The following KALRN variants were observed in gnomAD, a reference collection of about 807,000 sequenced individuals.
KALRN encodes kalirin.
In KALRN, 70 loss-of-function variants were observed where a neutral mutation model predicts 353.7. The ratio of observed to expected loss-of-function variants is 0.20; its 90% CI spans 0.16 to 0.24. The LOEUF is 0.24. KALRN is among the 10% of genes least tolerant of loss of function. The pLI is 1.00. For synonymous variants in KALRN, 1,391 were observed against 1,434.8 expected (o/e 0.97, Z 0.69); for missense variants, 2,791 against 3,756.7 (o/e 0.74, Z 6.72).
At chr3:124,036,528 T>C (rs898842168) in intron 1 of KALRN, among the ~76,000 whole-genome samples, 1 of 152,036 alleles carries the variant, frequency 6.6e-6, no homozygotes, top group Non-Finnish European at 1.5e-5. Flanking sequence ...AATGAACATA[T>C]GCATATGCGT....
intron 25 of KALRN, among the ~76,000 whole-genome samples, chr3:124,464,907 G>T (rs1392314889): frequency 6.7e-6 from 1 of 149,244 alleles, no homozygotes; most frequent in Non-Finnish European, 1.5e-5. Context: ...ACTCAGTATT[G>T]GTGCAAACCA....
intron 1 of KALRN, among the ~76,000 whole-genome samples, chr3:124,158,570 C>T (rs2069375318): frequency 6.6e-6 from 1 of 152,154 alleles, no homozygotes; most frequent in South Asian, 2.1e-4. Context: ...GATTTTTATG[C>T]AAAGGGATCT....
chr3:124,406,273 A>G (rs932419728), intron 13 of KALRN, among the ~76,000 whole-genome samples: 4 of 152,240 alleles, frequency 2.6e-5, no homozygotes, highest in Non-Finnish European at 4.4e-5. Context: ...ATAACTTTAA[A>G]ATAATCTGCT....
Position 124,330,008 on chromosome 3 carries a change from G to A in KALRN, c.1416+16G>A, listed in dbSNP as rs1242101433. On this transcript the variant is annotated intron_variant, in intron 8 of 59. Coordinates refer to ENST00000682506, the MANE Select transcript of KALRN (RefSeq NM_001388419.1). Reference sequence around the variant, plus strand: ...CTACACAGAGGTGAGAATGGAGCAGGGCAACCATGGTTCTTGGGCATGTCT... The same window carrying A: ...CTACACAGAGGTGAGAATGGAGCAGAGCAACCATGGTTCTTGGGCATGTCT... The A allele has an allele frequency of 3.1e-6, 5 of 1,612,066 alleles. No homozygotes were observed. In the South Asian group the frequency reaches 3.3e-5, roughly 11 times the overall value.
At chr3:124,707,376 T>A (rs1463746401) in intron 57 of KALRN, among the ~76,000 whole-genome samples, 1 of 151,798 alleles carries the variant, frequency 6.6e-6, no homozygotes, top group African/African-American at 2.4e-5. Flanking sequence ...GAATGGCTAA[T>A]GACAAGGAGA....
Position 124,671,679 on chromosome 3 carries a change from G to T in KALRN, c.6723G>T (p.Glu2241Asp). 6.2e-7 allele frequency: 1 copy of T among 1,612,674 alleles called. No homozygotes were observed. Among genetic ancestry groups the T allele is most frequent in the Non-Finnish European group, 8.5e-7 (1 of 1,178,672 alleles). The change falls in exon 48 of 60, where the codon GAG (glutamate) becomes GAT (aspartate). Residue 2241 changes from glutamate (E) to aspartate (D), a missense_variant. Transcript: ENST00000682506. The part of the protein sequence containing the change: ...DFLNALQSPI[E>D]YQRKERSTAV... ...CCACAGCACTGCAATCGCCCATTGA[G>T]TATCAACGGAAAGAAAGGAGCACAG...
At chr3:124,137,623 G>C (rs948924768) in intron 1 of KALRN, among the ~76,000 whole-genome samples, 8 of 152,162 alleles carry the variant, frequency 5.3e-5, no homozygotes, top group Non-Finnish European at 1.2e-4. Context: ...TAGCAGGGCT[G>C]CTGGAACTGA....
At chr3:124,633,330 A>G (rs1397918345) in intron 35 of KALRN, among the ~76,000 whole-genome samples, 4 of 152,206 alleles carry the variant, frequency 2.6e-5, no homozygotes, top group African/African-American at 9.7e-5. Context: ...TTCTGTAACC[A>G]AAAGACAGTG....
At chr3:124,500,125 C>T (rs2064339726) in intron 33 of KALRN, among the ~76,000 whole-genome samples, 1 of 152,172 alleles carries the variant, frequency 6.6e-6, no homozygotes, top group East Asian at 1.9e-4. Context: ...CCATGTTTAG[C>T]ATATGTGTCC....
intron 4 of KALRN, among the ~76,000 whole-genome samples, chr3:124,268,348 G>A (rs950869386): frequency 4.6e-5 from 7 of 152,114 alleles, no homozygotes; most frequent in Admixed American, 1.3e-4. Context: ...CTGGGTCCAC[G>A]GGCCTTGGTT....
Position 124,241,014 on chromosome 3 carries a change from G to A in KALRN, c.263+6071G>A, listed in dbSNP as rs138665424. On this transcript the variant is annotated intron_variant, in intron 3 of 59. Coordinates refer to ENST00000682506, the MANE Select transcript of KALRN (RefSeq NM_001388419.1). ...ATAGCAATATTTGCTACATATGAGG[G>A]ACTAGATGCAGTGTATGTAAAGGTT... is the stretch of plus-strand genomic sequence containing the variant. 1.4e-3 allele frequency among the ~76,000 whole-genome samples: 208 copies of A among 152,098 alleles called. 1 individual carries two copies. Among genetic ancestry groups the A allele is most frequent in the African/African-American group, 4.8e-3 (201 of 41,488 alleles).
At chr3:124,300,239 G>A (rs1469912903) in intron 6 of KALRN, among the ~76,000 whole-genome samples, 1 of 152,208 alleles carries the variant, frequency 6.6e-6, no homozygotes, top group Non-Finnish European at 1.5e-5. Context: ...GTTGTTCACT[G>A]TCTAGCTAGA....
At chr3:124,657,916 G>T in intron 41 of KALRN, 113 bp downstream of exon 41, 1 of 773,414 alleles carries the variant, frequency 1.3e-6, no homozygotes, top group Non-Finnish European at 2.2e-6. Flanking sequence ...CACTTTAGGA[G>T]GCCAAGGTGG....
intron 1 of KALRN, among the ~76,000 whole-genome samples, chr3:124,062,331 C>T (rs943946831): frequency 1.3e-5 from 2 of 152,178 alleles, no homozygotes; most frequent in African/African-American, 4.8e-5. Flanking sequence ...AATCCCTAAG[C>T]AACAGAGCTT....
At chr3:124,184,222 G>C (rs990212424) in intron 1 of KALRN, among the ~76,000 whole-genome samples, 8 of 152,344 alleles carry the variant, frequency 5.3e-5, no homozygotes, top group African/African-American at 1.9e-4. Context: ...CTGTGACCTT[G>C]AGCAAGTCAC....
chr3:124,609,297 G>A (rs2077677692), intron 34 of KALRN, among the ~76,000 whole-genome samples: 1 of 151,974 alleles, frequency 6.6e-6, no homozygotes, highest in Non-Finnish European at 1.5e-5. Context: ...ATCTGTTGAG[G>A]TCATGGAGTA....
chr3:124,366,358 G>A (rs534521202), intron 10 of KALRN, among the ~76,000 whole-genome samples: 91 of 147,338 alleles, frequency 6.2e-4, no homozygotes, highest in African/African-American at 2.0e-3. Context: ...GCGGCCTTCC[G>A]CAGTGTTTGT....
intron 9 of KALRN, among the ~76,000 whole-genome samples, chr3:124,338,912 T>C (rs2081399760): frequency 6.6e-6 from 1 of 152,202 alleles, no homozygotes; most frequent in South Asian, 2.1e-4. Flanking sequence ...CATGTGAATA[T>C]GTAACTATAT....
At chr3:124,600,278 G>A (rs1474997867) in intron 34 of KALRN, among the ~76,000 whole-genome samples, 1 of 152,166 alleles carries the variant, frequency 6.6e-6, no homozygotes. Flanking sequence ...AACTCACCTG[G>A]GTTTGTCATT....
Sources: allele counts gnomAD v4.1 joint callset (sites outside exome capture counted in the v4.1 genomes callset), GRCh38; gene constraint gnomAD v4.1.1; transcripts MANE v1.5; gene names NCBI Gene and HGNC (gene_info 2026-07-23, HGNC 2026-07-21).